Variants in AFG3L2 observed in about 807,000 individuals in gnomAD.
The protein encoded by AFG3L2 is AFG3 like matrix AAA peptidase subunit 2, also known as mitochondrial inner membrane m-AAA protease component AFG3L2.
A neutral mutation model predicts 94.5 loss-of-function variants in AFG3L2; 54 were observed. The ratio of observed to expected loss-of-function variants is 0.57; its 90% CI spans 0.46 to 0.72. The LOEUF (loss-of-function observed/expected upper bound fraction) is 0.72, where lower values mean the gene tolerates loss of function less well. Ranked by LOEUF, AFG3L2 falls within the 30% of genes least tolerant of loss-of-function variation. The pLI is 0.00. For synonymous variants in AFG3L2, 377 were observed against 365.5 expected, an observed-to-expected ratio of 1.03 and a Z score of -0.36; for missense variants, 754 against 994.9, an observed-to-expected ratio of 0.76 and a Z score of 3.26.
intron 9 of AFG3L2, among the ~76,000 whole-genome samples, chr18:12,355,035 T>C (rs1016283736): frequency 2.0e-5 from 3 of 151,902 alleles, no homozygotes; most frequent in Admixed American, 1.3e-4. Flanking sequence ...CTGGCCAACA[T>C]AGTGAAACCC....
chr18:12,363,647 A>G lies in AFG3L2; in HGVS notation c.627+135T>C, dbSNP rs532377281. ...CATTTCCACTGATGTTAGTAAGATC[A>G]CCCCTGCCACACTGCCCAGTTCTGA... is the stretch of plus-strand genomic sequence containing the variant. On this transcript the variant is annotated intron_variant, in intron 6 of 16. Transcript: ENST00000269143. The G allele has an allele frequency of 1.7e-5, 12 of 712,338 alleles. No homozygotes were observed. The East Asian group carries it at 2.0e-4, about 12-fold the overall frequency. 44.1% of individuals were successfully genotyped at this position (712,338 alleles called of 1,614,324 possible). A position where few individuals can be genotyped will look rare whatever the true frequency, so the allele number is the denominator to read the frequency against.
intron 13 of AFG3L2, among the ~76,000 whole-genome samples, chr18:12,344,502 C>T (rs1329105079): frequency 6.6e-6 from 1 of 151,896 alleles, no homozygotes; most frequent in African/African-American, 2.4e-5. Context: ...TGGTGAAACC[C>T]CGTCTCTACT....
chr18:12,344,689 T>C (rs1908075311), intron 13 of AFG3L2, among the ~76,000 whole-genome samples: 1 of 149,108 alleles, frequency 6.7e-6, no homozygotes, highest in East Asian at 1.9e-4. Context: ...AAAAAAAAAT[T>C]AAATTAAGTT....
chr18:12,332,043 G>A (rs1907549608), intron 16 of AFG3L2, among the ~76,000 whole-genome samples: 1 of 151,318 alleles, frequency 6.6e-6, no homozygotes. Context: ...ATGAGAAGAG[G>A]GAACAGTGTT....
At chr18:12,336,565 T>A (rs1046794957) in intron 16 of AFG3L2, among the ~76,000 whole-genome samples, 7 of 152,210 alleles carry the variant, frequency 4.6e-5, no homozygotes, top group Non-Finnish European at 8.8e-5. Flanking sequence ...TTCAGCCAGC[T>A]CTGCATGAAT....
chr18:12,331,968 C>G (rs1398433000), intron 16 of AFG3L2, among the ~76,000 whole-genome samples: 1 of 151,852 alleles, frequency 6.6e-6, no homozygotes, highest in South Asian at 2.1e-4. Context: ...TGACATTACA[C>G]GTTTTAACAG....
intron 16 of AFG3L2, among the ~76,000 whole-genome samples, chr18:12,334,628 GA>G (rs928847466): frequency 6.6e-6 from 1 of 152,104 alleles, no homozygotes; most frequent in Non-Finnish European, 1.5e-5. Flanking sequence ...TGTTCTCTAT[GA>G]AGTCTTGGTT....
chr18:12,356,292 T>C (rs1271397609), intron 9 of AFG3L2, among the ~76,000 whole-genome samples: 1 of 152,038 alleles, frequency 6.6e-6, no homozygotes, highest in East Asian at 1.9e-4. Flanking sequence ...GCTGGGATTA[T>C]AGGCATGCGC....
chr18:12,360,603 G>C (rs563270931), intron 6 of AFG3L2, among the ~76,000 whole-genome samples: 1 of 152,146 alleles, frequency 6.6e-6, no homozygotes, highest in Non-Finnish European at 1.5e-5. Flanking sequence ...GAACAGATGC[G>C]CCTTGCTGTG....
intron 16 of AFG3L2, among the ~76,000 whole-genome samples, chr18:12,332,946 ATATAT>A (rs1359889920): frequency 2.8e-4 from 31 of 111,358 alleles, no homozygotes; most frequent in African/African-American, 9.3e-4. Context: ...ATAACATATA[ATATAT>A]TATATACTAT....
At chr18:12,371,962 T>C (rs571919334) in intron 1 of AFG3L2, among the ~76,000 whole-genome samples, 3 of 152,376 alleles carry the variant, frequency 2.0e-5, no homozygotes, top group South Asian at 4.1e-4. Flanking sequence ...ATTATAATTA[T>C]GTGACAACAC....
intron 15 of AFG3L2, among the ~76,000 whole-genome samples, chr18:12,339,562 A>C (rs1204472618): frequency 2.7e-5 from 4 of 150,520 alleles, no homozygotes; most frequent in South Asian, 4.2e-4. Flanking sequence ...CAAAAAAAAA[A>C]AAAAACAAAA....
rs1332489718 is a variant in AFG3L2, at chr18:12,329,322, G to T, written c.*243C>A. ...ACTCTGGGCTCAACCTTTCCAGCAC[G>T]TCTGGGAGCCCAATGAGGCTATGGG... On this transcript the variant is annotated 3_prime_UTR_variant, in exon 17 of 17. Transcript: ENST00000269143. 2 of 675,740 alleles carry T rather than the reference G, an allele frequency of 3.0e-6. No homozygotes were observed. The highest frequency in any genetic ancestry group is 2.7e-6 in the Non-Finnish European group (1 of 373,698). The allele number at this position is 675,740 out of a possible 1,614,324, so 41.9% of individuals were successfully genotyped here. A position where few individuals can be genotyped will look rare whatever the true frequency, so the allele number is the denominator to read the frequency against.
chr18:12,340,081 T>C (rs1907898331), intron 15 of AFG3L2, 120 bp downstream of exon 15: 6 of 940,558 alleles, frequency 6.4e-6, no homozygotes, highest in Non-Finnish European at 1.0e-5. Flanking sequence ...AGATAATCCT[T>C]GCCTAAAAAG....
rs1231417182 is a variant in AFG3L2, at chr18:12,370,844, G to A, written c.292+5C>T. On this transcript the variant is annotated splice_donor_5th_base_variant and intron_variant, in intron 3 of 16. Transcript: ENST00000269143. ...AAATTCAAATATAATATTGTCAAAA[G>A]GTACCTTTTTTCTCTCCCATAACTT... 1 of 1,559,098 alleles carries A rather than the reference G, an allele frequency of 6.4e-7. No homozygotes were observed. The highest frequency in any genetic ancestry group is 8.8e-7 in the Non-Finnish European group (1 of 1,133,084).
intron 14 of AFG3L2, chr18:12,343,217 T>A (rs977444074): frequency 2.6e-5 from 4 of 152,264 alleles, no homozygotes; most frequent in Non-Finnish European, 5.9e-5. Flanking sequence ...TGAAATTGAA[T>A]TTTTAAAATT....
chr18:12,352,862 G>A (rs1490968549), intron 10 of AFG3L2, 143 bp downstream of exon 10: 6 of 1,120,994 alleles, frequency 5.4e-6, no homozygotes, highest in South Asian at 1.3e-5. Context: ...GACTGAGGCA[G>A]GAGGATCGCT....
At chr18:12,355,251 A>C (rs934868731) in intron 9 of AFG3L2, among the ~76,000 whole-genome samples, 3 of 152,138 alleles carry the variant, frequency 2.0e-5, no homozygotes, top group Non-Finnish European at 4.4e-5. Flanking sequence ...CAACCAAAAA[A>C]ACCCAATTAA....
At chr18:12,357,877 G>GA (rs1908541269) in intron 8 of AFG3L2, among the ~76,000 whole-genome samples, 1 of 152,094 alleles carries the variant, frequency 6.6e-6, no homozygotes, top group Admixed American at 6.6e-5. Flanking sequence ...GGGATTACAG[G>GA]AGTGAGCCAC....
Sources: gnomAD v4.1 joint callset for allele counts (sites outside exome capture counted in the v4.1 genomes callset) on GRCh38, gnomAD v4.1.1 for gene constraint, MANE v1.5 for transcripts, NCBI Gene and HGNC (gene_info 2026-07-23, HGNC 2026-07-21) for gene names.